The following EPB41L3 variants were observed in gnomAD, a reference collection of about 807,000 sequenced individuals.
EPB41L3 encodes the protein band 4.1-like protein 3.
A neutral mutation model predicts 127.1 loss-of-function variants in EPB41L3; 57 were observed. The ratio of observed to expected loss-of-function variants is 0.45; its 90% CI spans 0.36 to 0.56. The LOEUF is 0.56. EPB41L3 is among the 20% of genes least tolerant of loss of function. The pLI is 0.00. For synonymous variants in EPB41L3, 572 were observed against 549.5 expected, an observed-to-expected ratio of 1.04 and a Z score of -0.57; for missense variants, 1,273 against 1,372.2, an observed-to-expected ratio of 0.93 and a Z score of 1.14.
At chr18:5,629,314 C>T (rs2094960496), upstream of EPB41L3, among the ~76,000 whole-genome samples, 1 of 151,868 alleles carries the variant, frequency 6.6e-6, no homozygotes, top group South Asian at 2.1e-4. Flanking sequence ...CTGCGCGCAG[C>T]TGGCGGCGAG....
At chr18:5,523,919 C>A (rs2093108551) in intron 1 of EPB41L3, among the ~76,000 whole-genome samples, 2 of 151,892 alleles carry the variant, frequency 1.3e-5, no homozygotes, top group Non-Finnish European at 2.9e-5. Context: ...TAATGCTCTA[C>A]AAGTAGATAT....
chr18:5,597,518 T>G (rs899346424), intron 3 of EPB41L3, among the ~76,000 whole-genome samples: 12 of 152,236 alleles, frequency 7.9e-5, no homozygotes, highest in Non-Finnish European at 1.6e-4. Flanking sequence ...TGTATTCTAC[T>G]GTTTATTTTA....
At chr18:5,510,988 A>G (rs922110020) in intron 1 of EPB41L3, among the ~76,000 whole-genome samples, 3 of 152,152 alleles carry the variant, frequency 2.0e-5, no homozygotes, top group African/African-American at 7.2e-5. Context: ...AAATAACTAC[A>G]CGGTACCTGT....
chr18:5,482,339 A>G (rs897927717), intron 2 of EPB41L3, among the ~76,000 whole-genome samples: 3 of 152,194 alleles, frequency 2.0e-5, no homozygotes, highest in African/African-American at 7.2e-5. Flanking sequence ...ACAAAAAGGA[A>G]CAGAGTGCAT....
intron 3 of EPB41L3, among the ~76,000 whole-genome samples, chr18:5,454,961 G>C (rs763603884): frequency 1.1e-4 from 16 of 152,142 alleles, no homozygotes; most frequent in Non-Finnish European, 2.2e-4. Flanking sequence ...CAGTCCCAAG[G>C]CTGGACTCTG....
At chr18:5,555,945 G>A (rs1161772180) in intron 3 of EPB41L3, among the ~76,000 whole-genome samples, 1 of 152,072 alleles carries the variant, frequency 6.6e-6, no homozygotes, top group Non-Finnish European at 1.5e-5. Context: ...CAAGGGTTCT[G>A]GTAGCATCAG....
intron 1 of EPB41L3, among the ~76,000 whole-genome samples, chr18:5,512,620 A>ATTAC (rs2092580797): frequency 6.6e-6 from 1 of 152,204 alleles, no homozygotes; most frequent in South Asian, 2.1e-4. Flanking sequence ...TGAGGTCAAA[A>ATTAC]GTAAATAAAG....
At chr18:5,459,888 T>C (rs2083690471) in intron 3 of EPB41L3, among the ~76,000 whole-genome samples, 1 of 152,248 alleles carries the variant, frequency 6.6e-6, no homozygotes, top group Admixed American at 6.5e-5. Flanking sequence ...AGATGACTTT[T>C]AAATTTCTCT....
In EPB41L3 at chr18:5,531,704, C is replaced by A. The variant is rs573386705; in HGVS notation, c.-12+12209G>T. Among the ~76,000 whole-genome samples, 20 of 132,818 alleles carry A rather than the reference C, an allele frequency of 1.5e-4. No homozygotes were observed. In the South Asian group the frequency reaches 4.7e-3, roughly 31 times the overall value. The allele number at this position is 132,818 out of a possible 152,430, so 87.1% of individuals were successfully genotyped here. A position where few individuals can be genotyped will look rare whatever the true frequency, so the allele number is the denominator to read the frequency against. On this transcript the variant is annotated intron_variant, in intron 1 of 22. Coordinates refer to ENST00000341928, the MANE Select transcript of EPB41L3 (RefSeq NM_012307.5). ...AGATCATGCCGCCACTGCACTCCAG[C>A]CTATACAACAGAACAAGACCCTGTC...
chr18:5,466,293 G>A (rs1045449922), intron 3 of EPB41L3: 1 of 152,120 alleles, frequency 6.6e-6, no homozygotes, highest in African/African-American at 2.4e-5. Context: ...AGTCAAAAAA[G>A]TGTTACCTCT....
At chr18:5,551,549 AC>A (rs1448209825) in intron 3 of EPB41L3, among the ~76,000 whole-genome samples, 8 of 151,980 alleles carry the variant, frequency 5.3e-5, no homozygotes, top group Non-Finnish European at 1.2e-4. Context: ...ATATATTGAG[AC>A]CCCAACAAAA....
chr18:5,623,772 C>T (rs1373875627), intron 1 of EPB41L3, among the ~76,000 whole-genome samples: 2 of 151,804 alleles, frequency 1.3e-5, no homozygotes, highest in Non-Finnish European at 2.9e-5. Context: ...CTCAGCCTCC[C>T]AAGTAACTGG....
chr18:5,433,058 A>G (rs2079213551), intron 8 of EPB41L3, among the ~76,000 whole-genome samples: 1 of 152,204 alleles, frequency 6.6e-6, no homozygotes, highest in South Asian at 2.1e-4. Flanking sequence ...CCAGAGACGG[A>G]CATAGTCAGG....
At chr18:5,581,468 T>C (rs1291572499) in intron 3 of EPB41L3, among the ~76,000 whole-genome samples, 1 of 152,198 alleles carries the variant, frequency 6.6e-6, no homozygotes, top group Non-Finnish European at 1.5e-5. Context: ...ATATTTTTTG[T>C]TTATGTAAGT....
intron 3 of EPB41L3, among the ~76,000 whole-genome samples, chr18:5,471,785 C>T (rs767165388): frequency 1.2e-4 from 18 of 152,018 alleles, no homozygotes; most frequent in Non-Finnish European, 2.4e-4. Flanking sequence ...TAGCTTTGCA[C>T]GAAAAGGCAA....
At chr18:5,592,380 T>C (rs1042538144) in intron 3 of EPB41L3, among the ~76,000 whole-genome samples, 1 of 152,162 alleles carries the variant, frequency 6.6e-6, no homozygotes, top group Non-Finnish European at 1.5e-5. Flanking sequence ...TTGGTCAGGC[T>C]GGTTTCGAAC....
chr18:5,523,029 T>C (rs2093060602), intron 1 of EPB41L3, among the ~76,000 whole-genome samples: 1 of 152,172 alleles, frequency 6.6e-6, no homozygotes, highest in Non-Finnish European at 1.5e-5. Flanking sequence ...ATGAAAATAA[T>C]TCAAGGACCT....
At position 5,531,634 on chromosome 18, in the gene EPB41L3, A is replaced by G. The variant is rs1242228805; in HGVS notation, c.-12+12279T>C. ...GCTACTCAGGAGGCTGAGGCACGAG[A>G]ATCACTTGAACCTGGGAGGTGGAGG... On this transcript the variant is annotated intron_variant, in intron 1 of 22. Transcript: ENST00000341928. 2.0e-4 allele frequency among the ~76,000 whole-genome samples: 30 copies of G among 151,070 alleles called. No individual in the cohort carries two copies. The Admixed American group carries it at 2.0e-3, about 10-fold the overall frequency.
At chr18:5,620,053 A>AT (rs920726369) in intron 1 of EPB41L3, among the ~76,000 whole-genome samples, 11 of 151,982 alleles carry the variant, frequency 7.2e-5, no homozygotes. Context: ...TGATATTTCC[A>AT]TTTTTTCATG....
Sources: allele counts gnomAD v4.1 joint callset (sites outside exome capture counted in the v4.1 genomes callset), GRCh38; gene constraint gnomAD v4.1.1; transcripts MANE v1.5; gene names NCBI Gene and HGNC (gene_info 2026-07-23, HGNC 2026-07-21).